RFXAP: variants seen among roughly 807,000 people sequenced by gnomAD.
The protein encoded by RFXAP is regulatory factor X-associated protein.
In RFXAP, 21 loss-of-function variants were observed where a neutral mutation model predicts 25.7. The observed-to-expected ratio is 0.82, with a 90% confidence interval of 0.58 to 1.18. RFXAP has a LOEUF of 1.18. RFXAP is among the 50% of genes most tolerant of loss of function. The probability of loss-of-function intolerance (pLI) is 0.00; values close to 1 mark genes in which losing one functional copy is unlikely to be tolerated. For missense variants in RFXAP, 333 were observed against 363.0 expected, an observed-to-expected ratio of 0.92 and a Z score of 0.67; for synonymous variants, 161 against 152.2, an observed-to-expected ratio of 1.06 and a Z score of -0.43.
chr13:36,819,939 G>A lies in RFXAP; in HGVS notation c.582G>A (p.Ala194=). 1 of 1,613,824 alleles carries A rather than the reference G, an allele frequency of 6.2e-7. No homozygotes were observed. Among genetic ancestry groups the A allele is most frequent in the Admixed American group, 1.7e-5 (1 of 59,964 alleles). ...NCGGTASTGS[A]GNVKLEESAD... Reference sequence around the variant, plus strand: ...GTGGGACTGCCTCGACTGGCAGCGCGGGAAACGTCAAACTCGAGGTATCAG... The same window carrying A: ...GTGGGACTGCCTCGACTGGCAGCGCAGGAAACGTCAAACTCGAGGTATCAG... Residue 194 remains alanine (A), a synonymous_variant, in exon 1 of 3, where the codon GCG becomes GCA. Transcript: ENST00000255476.
chr13:36,827,723 A>G lies in RFXAP; in HGVS notation c.789A>G (p.Arg263=). The G allele has an allele frequency of 1.9e-6, 3 of 1,613,846 alleles. No individual in the cohort carries two copies. Among genetic ancestry groups the G allele is most frequent in the Non-Finnish European group, 2.5e-6 (3 of 1,179,824 alleles). Residue 263 remains arginine, a synonymous_variant, in exon 3 of 3, where the codon AGA becomes AGG. Coordinates refer to ENST00000255476, the MANE Select transcript of RFXAP (RefSeq NM_000538.4). ...QLLNQQVLEQ[R]QQQFPGTSM ...TAAATCAGCAAGTTTTGGAGCAAAG[A>G]CAACAGCAGTTTCCAGGAACATCAA... is the stretch of plus-strand genomic sequence containing the variant.
At chr13:36,823,194 G>A (rs1270729517) in intron 1 of RFXAP, among the ~76,000 whole-genome samples, 2 of 152,150 alleles carry the variant, frequency 1.3e-5, no homozygotes, top group African/African-American at 2.4e-5. Context: ...GTACTCAAAC[G>A]CAAGCAGTCT....
chr13:36,825,640 C>T (rs1031783853), intron 2 of RFXAP, 105 bp downstream of exon 2: 15 of 687,058 alleles, frequency 2.2e-5, no homozygotes, highest in African/African-American at 1.6e-4. Flanking sequence ...TCACACTATA[C>T]ATCAAAATAA....
chr13:36,825,587 T>A, intron 2 of RFXAP, 52 bp downstream of exon 2: 1 of 1,315,468 alleles, frequency 7.6e-7, no homozygotes, highest in Non-Finnish European at 1.1e-6. Flanking sequence ...ACGTTTGTTA[T>A]AAATGGAACA....
Position 36,821,349 on chromosome 13 carries a change from C to T in RFXAP, c.600+1392C>T, listed in dbSNP as rs538831268. Among the ~76,000 whole-genome samples the T allele has an allele frequency of 2.5e-3, 385 of 151,540 alleles. 2 individuals carry two copies. The highest frequency in any genetic ancestry group is 9.1e-3 in the African/African-American group (374 of 41,244). ...GTGCTCCATCACTAAAATATTAGACCTTGTAATTGTTTACAAATGTAATGT... is the reference window on the plus strand; with the variant it reads ...GTGCTCCATCACTAAAATATTAGACTTTGTAATTGTTTACAAATGTAATGT... On this transcript the variant is annotated intron_variant, in intron 1 of 2. Coordinates refer to ENST00000255476, the MANE Select transcript of RFXAP (RefSeq NM_000538.4).
chr13:36,822,601 C>T (rs2057966732), intron 1 of RFXAP, among the ~76,000 whole-genome samples: 1 of 151,940 alleles, frequency 6.6e-6, no homozygotes, highest in African/African-American at 2.4e-5. Context: ...ACAGTGTTGC[C>T]CAGGCTGGCC....
At chr13:36,827,081 G>A (rs2057980463) in intron 2 of RFXAP, among the ~76,000 whole-genome samples, 1 of 152,048 alleles carries the variant, frequency 6.6e-6, no homozygotes, top group South Asian at 2.1e-4. Context: ...GGTATTGGAT[G>A]TTTTAGAGCA....
chr13:36,819,611 C>T lies in RFXAP; in HGVS notation c.254C>T (p.Ala85Val). The change falls in exon 1 of 3, where the codon GCT (alanine) becomes GTT (valine). Residue 85 changes from alanine (A) to valine (V), a missense_variant. Transcript: ENST00000255476. ...CEGAGDGEEE[A>V]GEDEADLLDT... ...GGGGCCGGGGATGGCGAAGAGGAGG[C>T]TGGGGAGGACGAGGCGGACCTGTTA... 2 of 1,539,690 alleles carry T rather than the reference C, an allele frequency of 1.3e-6. No individual in the cohort carries two copies. Among genetic ancestry groups the T allele is most frequent in the East Asian group, 4.9e-5 (2 of 40,934 alleles).
chr13:36,826,523 C>G (rs2057978410), intron 2 of RFXAP, among the ~76,000 whole-genome samples: 1 of 152,074 alleles, frequency 6.6e-6, no homozygotes, highest in Admixed American at 6.5e-5. Flanking sequence ...CAATATGTAC[C>G]AGGAGTCATC....
intron 1 of RFXAP, 103 bp downstream of exon 1, chr13:36,820,060 C>T (rs1242120649): frequency 6.6e-7 from 1 of 1,506,480 alleles, no homozygotes; most frequent in Admixed American, 2.0e-5. Flanking sequence ...CCAAATGGGC[C>T]GGTTTGCAGT....
chr13:36,827,580 G>T lies in RFXAP; in HGVS notation c.709-63G>T, dbSNP rs565991350. 9 of 1,163,482 alleles carry T rather than the reference G, an allele frequency of 7.7e-6. No homozygotes were observed. In the Middle Eastern group the frequency reaches 6.3e-4, roughly 81 times the overall value. 72.1% of individuals were successfully genotyped at this position (1,163,482 alleles called of 1,614,324 possible). ...ATGTAGGGACACATCAGAGTAATTA[G>T]CATGAAAACAGTCTAATGACATAGA... is the stretch of plus-strand genomic sequence containing the variant. On this transcript the variant is annotated intron_variant, in intron 2 of 2. Transcript: ENST00000255476.
rs1033559056 is a variant in RFXAP, at chr13:36,819,249, T to A, written c.-109T>A. Reference sequence around the variant, plus strand: ...GCGCAGTCGGGGCGCCTTCCCGGTATAGGCGCCTTTTACCCCAGCGTGTCC... The same window carrying A: ...GCGCAGTCGGGGCGCCTTCCCGGTAAAGGCGCCTTTTACCCCAGCGTGTCC... On this transcript the variant is annotated 5_prime_UTR_variant, in exon 1 of 3. Transcript: ENST00000255476. 9.1e-6 allele frequency: 10 copies of A among 1,099,946 alleles called. No individual in the cohort carries two copies. Among genetic ancestry groups the A allele is most frequent in the African/African-American group, 1.6e-5 (1 of 61,310 alleles). 68.1% of individuals were successfully genotyped at this position (1,099,946 alleles called of 1,614,324 possible).
intron 2 of RFXAP, among the ~76,000 whole-genome samples, chr13:36,825,907 G>A (rs2057976689): frequency 6.6e-6 from 1 of 151,312 alleles, no homozygotes; most frequent in Non-Finnish European, 1.5e-5. Context: ...GGGCATTGTG[G>A]TTCATGCCTG....
chr13:36,819,810 C>A lies in RFXAP; in HGVS notation c.453C>A (p.Ser151Arg), dbSNP rs771132797. ...ACGAAGGCTGCAGCGAGACCACGAG[C>A]CAGGTGGCCAAGCAGCGCAAACCGT... ...CTYEGCSETT[S>R]QVAKQRKPWM... The change falls in exon 1 of 3, where the codon AGC becomes AGA. Residue 151 changes from serine to arginine, a missense_variant. Coordinates refer to ENST00000255476, the MANE Select transcript of RFXAP (RefSeq NM_000538.4). 6.3e-7 allele frequency: 1 copy of A among 1,595,838 alleles called. No individual in the cohort carries two copies. The highest frequency in any genetic ancestry group is 8.5e-7 in the Non-Finnish European group (1 of 1,170,480).
rs1030863338 is a variant in RFXAP, at chr13:36,819,256, C to G, written c.-102C>G. ...CGGGGCGCCTTCCCGGTATAGGCGCCTTTTACCCCAGCGTGTCCTGAGTCT... is the reference window on the plus strand; with the variant it reads ...CGGGGCGCCTTCCCGGTATAGGCGCGTTTTACCCCAGCGTGTCCTGAGTCT... On this transcript the variant is annotated 5_prime_UTR_variant, in exon 1 of 3. Coordinates refer to ENST00000255476, the MANE Select transcript of RFXAP (RefSeq NM_000538.4). 4 of 1,170,552 alleles carry G rather than the reference C, an allele frequency of 3.4e-6. No individual in the cohort carries two copies. Among genetic ancestry groups the G allele is most frequent in the African/African-American group, 1.6e-5 (1 of 62,732 alleles). 72.5% of individuals were successfully genotyped at this position (1,170,552 alleles called of 1,614,324 possible).
intron 1 of RFXAP, among the ~76,000 whole-genome samples, chr13:36,823,740 A>C (rs533988510): frequency 6.6e-6 from 1 of 152,316 alleles, no homozygotes; most frequent in African/African-American, 2.4e-5. Context: ...AAATGTGTAT[A>C]ATGTCTACTC....
intron 2 of RFXAP, 21 bp downstream of exon 2, chr13:36,825,556 C>G (rs1435060748): frequency 6.5e-7 from 1 of 1,536,516 alleles, no homozygotes. Flanking sequence ...GTTTGTAAAT[C>G]AGTTATAAAT....
chr13:36,823,441 G>GGGATTT (rs1346545177), intron 1 of RFXAP, among the ~76,000 whole-genome samples: 2 of 152,172 alleles, frequency 1.3e-5, no homozygotes, highest in African/African-American at 2.4e-5. Context: ...GCCAGGCTAT[G>GGGATTT]GGATTTGGAT....
At chr13:36,821,354 A>T (rs945393565) in intron 1 of RFXAP, among the ~76,000 whole-genome samples, 2 of 152,002 alleles carry the variant, frequency 1.3e-5, no homozygotes, top group African/African-American at 4.8e-5. Flanking sequence ...TAGACCTTGT[A>T]ATTGTTTACA....
Sources: gnomAD v4.1 joint callset for allele counts (sites outside exome capture counted in the v4.1 genomes callset) on GRCh38, gnomAD v4.1.1 for gene constraint, MANE v1.5 for transcripts, NCBI Gene and HGNC (gene_info 2026-07-23, HGNC 2026-07-21) for gene names.